The following ERBB4 variants were observed in gnomAD, a reference collection of about 807,000 sequenced individuals.
ERBB4 encodes erb-b2 receptor tyrosine kinase 4.
Under a neutral mutation model 158.0 loss-of-function variants are expected in ERBB4, and 42 were observed. The ratio of observed to expected loss-of-function variants is 0.27; its 90% CI spans 0.21 to 0.34. The LOEUF (loss-of-function observed/expected upper bound fraction) is 0.34. Among genes scored for constraint, ERBB4 ranks in the 10% least tolerant of loss-of-function variants. ERBB4 has a pLI of 1.00. For synonymous variants in ERBB4, 583 were observed against 558.7 expected (o/e 1.04, Z -0.61); for missense variants, 1,333 against 1,624.1 (o/e 0.82, Z 3.08).
At chr2:211,598,529 T>A (rs940174982) in intron 19 of ERBB4, among the ~76,000 whole-genome samples, 3 of 152,186 alleles carry the variant, frequency 2.0e-5, no homozygotes, top group Admixed American at 6.5e-5. Flanking sequence ...TGTTGAATCC[T>A]CTGTGTGGTT....
In ERBB4 at chr2:211,428,530, C is replaced by A. The variant is rs2063683396; in HGVS notation, c.2644-47G>T. On this transcript the variant is annotated intron_variant, in intron 21 of 27. Transcript: ENST00000342788. ...AAGTTTTAAAATTACATTAAAAATT[C>A]ATTTCTATATGTATTTCCTAAATGT... The A allele has an allele frequency of 1.9e-5, 19 of 1,020,274 alleles. No individual in the cohort carries two copies. In the East Asian group the frequency reaches 4.6e-4, roughly 25 times the overall value. 63.2% of individuals were successfully genotyped at this position (1,020,274 alleles called of 1,614,324 possible).
intron 1 of ERBB4, among the ~76,000 whole-genome samples, chr2:212,138,059 T>A (rs1372700153): frequency 6.6e-6 from 1 of 152,196 alleles, no homozygotes; most frequent in Non-Finnish European, 1.5e-5. Context: ...CTAAGATAAA[T>A]CCTCTGTAGA....
At chr2:211,768,745 C>T (rs770077986) in intron 4 of ERBB4, among the ~76,000 whole-genome samples, 1 of 151,860 alleles carries the variant, frequency 6.6e-6, no homozygotes, top group Non-Finnish European at 1.5e-5. Context: ...GGGACCAGCC[C>T]ATGAAACCAT....
intron 12 of ERBB4, among the ~76,000 whole-genome samples, chr2:211,701,196 TAA>T (rs1311905017): frequency 3.9e-5 from 6 of 152,128 alleles, no homozygotes; most frequent in African/African-American, 1.4e-4. Context: ...TTCTGAAAAA[TAA>T]AACACCTTGA....
chr2:211,770,786 A>G (rs1371563122), intron 4 of ERBB4, among the ~76,000 whole-genome samples: 2 of 152,160 alleles, frequency 1.3e-5, no homozygotes, highest in African/African-American at 4.8e-5. Flanking sequence ...CCTACCTCAC[A>G]TAACATGCAA....
chr2:211,625,566 A>G (rs956608884), intron 17 of ERBB4, among the ~76,000 whole-genome samples: 2 of 152,200 alleles, frequency 1.3e-5, no homozygotes, highest in Admixed American at 6.5e-5. Flanking sequence ...ATATAAATGT[A>G]AATTTGATAA....
chr2:212,176,847 A>T (rs2081679170), intron 1 of ERBB4, among the ~76,000 whole-genome samples: 1 of 151,948 alleles, frequency 6.6e-6, no homozygotes, highest in Middle Eastern at 3.2e-3. Flanking sequence ...TAAGAACTCC[A>T]TCTGCTTTGC....
intron 4 of ERBB4, among the ~76,000 whole-genome samples, chr2:211,768,470 G>A (rs1379316647): frequency 1.3e-5 from 2 of 152,206 alleles, no homozygotes; most frequent in East Asian, 1.9e-4. Context: ...CCCTAGCAGA[G>A]GTTCTCCATG....
intron 19 of ERBB4, among the ~76,000 whole-genome samples, chr2:211,567,603 A>C (rs1164574229): frequency 6.6e-6 from 1 of 152,212 alleles, no homozygotes; most frequent in African/African-American, 2.4e-5. Flanking sequence ...GGTGTAAAAA[A>C]GTCACACGGA....
chr2:211,913,659 ATGTGTGTATGTG>A (rs2079603027), intron 3 of ERBB4, among the ~76,000 whole-genome samples: 1 of 114,170 alleles, frequency 8.8e-6, no homozygotes, highest in African/African-American at 3.8e-5. Flanking sequence ...GTGTGTGTGT[ATGTGTGTATGTG>A]TGTGTGTATG....
intron 20 of ERBB4, among the ~76,000 whole-genome samples, chr2:211,488,890 C>T (rs549103644): frequency 6.6e-6 from 1 of 152,174 alleles, no homozygotes; most frequent in African/African-American, 2.4e-5. Context: ...TCCATTCCAA[C>T]TTATTTACTC....
At position 211,675,537 on chromosome 2, in the gene ERBB4, A is replaced by G. The variant is rs141108194; in HGVS notation, c.1623-2280T>C. Among the ~76,000 whole-genome samples the G allele has an allele frequency of 9.0e-3, 1,374 of 152,036 alleles. 19 individuals are homozygous for G. The highest frequency in any genetic ancestry group is 0.013 in the Non-Finnish European group (860 of 67,942). ...CTTAAACTTTCACAAGAGTTTAAGC[A>G]TGTTGACAGATATGGGAAGTTCTAA... is the stretch of plus-strand genomic sequence containing the variant. On this transcript the variant is annotated intron_variant, in intron 13 of 27. Transcript: ENST00000342788.
chr2:211,686,892 T>G (rs2105983084), intron 12 of ERBB4, among the ~76,000 whole-genome samples: 1 of 152,272 alleles, frequency 6.6e-6, no homozygotes, highest in East Asian at 1.9e-4. Flanking sequence ...TCTTCATTTA[T>G]GAATACTAAT....
At chr2:211,997,204 A>G (rs1398415306) in intron 2 of ERBB4, among the ~76,000 whole-genome samples, 1 of 152,176 alleles carries the variant, frequency 6.6e-6, no homozygotes, top group Non-Finnish European at 1.5e-5. Context: ...AAAAGATAAT[A>G]GTCTATAATT....
intron 20 of ERBB4, among the ~76,000 whole-genome samples, chr2:211,473,583 CT>C (rs1344618241): frequency 4.6e-5 from 7 of 151,948 alleles, no homozygotes; most frequent in Non-Finnish European, 8.8e-5. Flanking sequence ...AAACTTTTTC[CT>C]TTTCCCATAC....
intron 1 of ERBB4, among the ~76,000 whole-genome samples, chr2:212,494,733 G>A (rs938002976): frequency 2.0e-5 from 3 of 152,084 alleles, no homozygotes; most frequent in Non-Finnish European, 4.4e-5. Flanking sequence ...CCACATGCCT[G>A]TATTTCTTTT....
chr2:211,812,357 G>A (rs1400930472), intron 3 of ERBB4, among the ~76,000 whole-genome samples: 1 of 152,174 alleles, frequency 6.6e-6, no homozygotes, highest in African/African-American at 2.4e-5. Context: ...GGAGGCTGCG[G>A]AACAGCAAAT....
intron 2 of ERBB4, among the ~76,000 whole-genome samples, chr2:211,971,160 C>G (rs1018335668): frequency 1.3e-5 from 2 of 152,118 alleles, no homozygotes; most frequent in African/African-American, 4.8e-5. Context: ...ATATGAAATT[C>G]TGGGTTATAA....
intron 19 of ERBB4, among the ~76,000 whole-genome samples, chr2:211,602,350 A>G (rs1464760019): frequency 6.6e-6 from 1 of 152,024 alleles, no homozygotes; most frequent in Non-Finnish European, 1.5e-5. Context: ...ATCTGCACTC[A>G]GTGGCGTACT....
Sources: allele counts gnomAD v4.1 joint callset (sites outside exome capture counted in the v4.1 genomes callset), GRCh38; gene constraint gnomAD v4.1.1; transcripts MANE v1.5; gene names NCBI Gene and HGNC (gene_info 2026-07-23, HGNC 2026-07-21).